Variants in TSNARE1 observed in about 807,000 individuals in gnomAD.
TSNARE1 encodes the protein t-SNARE domain containing 1.
In TSNARE1, 49 loss-of-function variants were observed where a neutral mutation model predicts 62.0. The ratio of observed to expected loss-of-function variants is 0.79; its 90% CI spans 0.63 to 1.00. The LOEUF (loss-of-function observed/expected upper bound fraction) is 1.00, where lower values mean the gene tolerates loss of function less well. TSNARE1 is among the 50% of genes least tolerant of loss of function. The pLI is 0.00. For synonymous variants in TSNARE1, 328 were observed against 294.4 expected, an observed-to-expected ratio of 1.11 and a Z score of -1.17; for missense variants, 755 against 700.1, an observed-to-expected ratio of 1.08 and a Z score of -0.88.
intron 1 of TSNARE1, among the ~76,000 whole-genome samples, chr8:142,375,058 GACCACAGTACCCA>G (rs1018411012): frequency 6.6e-6 from 1 of 152,190 alleles, no homozygotes; most frequent in African/African-American, 2.4e-5. Context: ...CACAGTACTC[GACCACAGTACCCA>G]ACCAGAAGAA....
At chr8:142,230,444 G>A (rs1817047903) in intron 12 of TSNARE1, among the ~76,000 whole-genome samples, 1 of 152,200 alleles carries the variant, frequency 6.6e-6, no homozygotes, top group African/African-American at 2.4e-5. Flanking sequence ...TTTAGAGCAG[G>A]AGAGTGACAT....
chr8:142,399,353 G>A (rs1177988889), intron 1 of TSNARE1, among the ~76,000 whole-genome samples: 2 of 152,204 alleles, frequency 1.3e-5, no homozygotes, highest in Non-Finnish European at 2.9e-5. Context: ...CCCAGGCCCT[G>A]GGCCACAGCT....
chr8:142,377,981 C>T (rs573729586), intron 1 of TSNARE1, among the ~76,000 whole-genome samples: 53 of 152,346 alleles, frequency 3.5e-4, no homozygotes, highest in African/African-American at 1.1e-3. Context: ...CATGTGCATG[C>T]GTCACACAGC....
chr8:142,282,990 G>A (rs1283583233), intron 11 of TSNARE1, among the ~76,000 whole-genome samples: 4 of 149,128 alleles, frequency 2.7e-5, no homozygotes, highest in Non-Finnish European at 4.5e-5. Flanking sequence ...CAAAGGCGGG[G>A]TCAGTGTCTG....
chr8:142,217,867 T>A (rs76196279), intron 13 of TSNARE1, among the ~76,000 whole-genome samples: 13,241 of 73,880 alleles, frequency 0.18, 1,216 homozygotes, highest in African/African-American at 0.26. Flanking sequence ...CAGGGCTCAG[T>A]GTGTGGCCAG....
At chr8:142,265,198 A>C (rs1322436208) in intron 12 of TSNARE1, among the ~76,000 whole-genome samples, 2 of 152,034 alleles carry the variant, frequency 1.3e-5, no homozygotes, top group African/African-American at 4.8e-5. Flanking sequence ...TTCAAAATAC[A>C]AAACTGTCCC....
At chr8:142,323,838 C>A (rs1000392668) in intron 6 of TSNARE1, among the ~76,000 whole-genome samples, 1 of 152,202 alleles carries the variant, frequency 6.6e-6, no homozygotes, top group East Asian at 1.9e-4. Flanking sequence ...TCCATCCTCA[C>A]GGCCACCGAG....
At chr8:142,314,111 C>T (rs545663196) in intron 9 of TSNARE1, among the ~76,000 whole-genome samples, 1 of 152,344 alleles carries the variant, frequency 6.6e-6, no homozygotes, top group African/African-American at 2.4e-5. Flanking sequence ...CCAGGTTTCA[C>T]AGTGGCTCTC....
intron 12 of TSNARE1, among the ~76,000 whole-genome samples, chr8:142,264,436 T>A (rs546870890): frequency 6.6e-6 from 1 of 152,342 alleles, no homozygotes; most frequent in African/African-American, 2.4e-5. Flanking sequence ...TCTGTAAGCA[T>A]CCGTGAAGTT....
At chr8:142,368,734 G>C (rs6583620) in intron 1 of TSNARE1, among the ~76,000 whole-genome samples, 25,451 of 152,102 alleles carry the variant, frequency 0.17, 2,301 homozygotes, top group East Asian at 0.3. Flanking sequence ...GCAGACGGGC[G>C]GCCCTGCAGC....
chr8:142,248,585 G>T (rs567036959), intron 12 of TSNARE1, among the ~76,000 whole-genome samples: 4 of 152,364 alleles, frequency 2.6e-5, no homozygotes, highest in Non-Finnish European at 4.4e-5. Context: ...GGCAGAGTAG[G>T]TTCCTGGCAC....
intron 13 of TSNARE1, among the ~76,000 whole-genome samples, chr8:142,229,222 T>G (rs1586791874): frequency 6.7e-6 from 1 of 149,998 alleles, no homozygotes. Flanking sequence ...GGATGGTGGG[T>G]GGATGGATGG....
intron 1 of TSNARE1, among the ~76,000 whole-genome samples, chr8:142,365,402 A>G (rs1294739973): frequency 6.6e-6 from 1 of 152,246 alleles, no homozygotes; most frequent in Non-Finnish European, 1.5e-5. Context: ...TTTGCTAAAA[A>G]GAACACAACT....
Position 142,318,589 on chromosome 8 carries a change from G to A in TSNARE1, c.939C>T (p.Ala313=), listed in dbSNP as rs1196605289. ...QETNKTIAAS[A]SSVKQMAELL... is the part of the protein sequence containing the mutation. ...GCTCGGCCATCTGCTTCACGGAGCTGGCGCTGGCTGCAATGGTCTTGTTGG... is the reference window on the plus strand; with the variant it reads ...GCTCGGCCATCTGCTTCACGGAGCTAGCGCTGGCTGCAATGGTCTTGTTGG... The change falls in exon 7 of 14, where the codon GCC becomes GCT. Residue 313 remains alanine (A), a synonymous_variant. Coordinates refer to ENST00000524325, the MANE Select transcript of TSNARE1 (RefSeq NM_145003.5). 21 of 1,613,774 alleles carry A rather than the reference G, an allele frequency of 1.3e-5. No homozygotes were observed. The highest frequency in any genetic ancestry group is 1.7e-5 in the Non-Finnish European group (20 of 1,180,004).
chr8:142,303,794 G>C (rs1275742457), intron 9 of TSNARE1, among the ~76,000 whole-genome samples: 1 of 152,218 alleles, frequency 6.6e-6, no homozygotes, highest in African/African-American at 2.4e-5. Context: ...GAGACGGCTG[G>C]TGACAACAGG....
At chr8:142,284,568 G>T in intron 10 of TSNARE1, 83 bp from the exon 11 acceptor site, 1 of 1,198,542 alleles carries the variant, frequency 8.3e-7, no homozygotes, top group South Asian at 1.2e-5. Flanking sequence ...CATGGAACCT[G>T]GGGCGGGCCC....
chr8:142,363,223 C>T (rs934406759), intron 1 of TSNARE1, among the ~76,000 whole-genome samples: 1 of 152,202 alleles, frequency 6.6e-6, no homozygotes, highest in Non-Finnish European at 1.5e-5. Context: ...GAGGAAGCAG[C>T]AGGGCCTGGT....
chr8:142,267,517 C>T (rs1018569319), intron 12 of TSNARE1, among the ~76,000 whole-genome samples: 1 of 152,162 alleles, frequency 6.6e-6, no homozygotes, highest in Non-Finnish European at 1.5e-5. Flanking sequence ...AGGCCTGCCT[C>T]TAGCACTCTC....
intron 1 of TSNARE1, among the ~76,000 whole-genome samples, chr8:142,355,497 G>C (rs1240282552): frequency 6.6e-6 from 1 of 152,206 alleles, no homozygotes; most frequent in Non-Finnish European, 1.5e-5. Flanking sequence ...GGAATGGGGA[G>C]CTGGGCATCC....
Sources: gnomAD v4.1 joint callset for allele counts (sites outside exome capture counted in the v4.1 genomes callset) on GRCh38, gnomAD v4.1.1 for gene constraint, MANE v1.5 for transcripts, NCBI Gene and HGNC (gene_info 2026-07-23, HGNC 2026-07-21) for gene names.